Variants in ELMO1 observed in about 807,000 individuals in gnomAD.
The protein encoded by ELMO1 is engulfment and cell motility 1, also known as engulfment and cell motility protein 1.
ELMO1 carries 26 observed loss-of-function variants against 98.9 expected under a neutral mutation model. The ratio of observed to expected loss-of-function variants is 0.26; its 90% confidence interval spans 0.19 to 0.36. The LOEUF (loss-of-function observed/expected upper bound fraction) is 0.36. ELMO1 is among the 10% of genes least tolerant of loss of function. The pLI is 1.00. For missense variants in ELMO1, 627 were observed against 935.2 expected (o/e 0.67, Z 4.30); for synonymous variants, 346 against 346.0 (o/e 1.00, Z 0.00).
chr7:37,334,048 C>G (rs1800265912), intron 2 of ELMO1, among the ~76,000 whole-genome samples: 1 of 152,146 alleles, frequency 6.6e-6, no homozygotes, highest in African/African-American at 2.4e-5. Context: ...AATGTAGGTC[C>G]AACAGCATGA....
intron 16 of ELMO1, among the ~76,000 whole-genome samples, chr7:36,919,096 A>G (rs1784935576): frequency 6.6e-6 from 1 of 152,196 alleles, no homozygotes; most frequent in Non-Finnish European, 1.5e-5. Flanking sequence ...TAATAAATAG[A>G]ACTTGCACAA....
intron 13 of ELMO1, among the ~76,000 whole-genome samples, chr7:37,174,752 A>G (rs1790409255): frequency 6.6e-6 from 1 of 152,186 alleles, no homozygotes. Context: ...TTACATGGCA[A>G]GGAGAGGTCA....
chr7:37,421,379 A>G (rs1353483189), intron 1 of ELMO1, among the ~76,000 whole-genome samples: 1 of 152,192 alleles, frequency 6.6e-6, no homozygotes, highest in Non-Finnish European at 1.5e-5. Flanking sequence ...CCCATTTTGC[A>G]ATGATCAGCC....
intron 16 of ELMO1, among the ~76,000 whole-genome samples, chr7:37,011,620 A>G (rs557049392): frequency 3.2e-4 from 49 of 152,338 alleles, no homozygotes; most frequent in Admixed American, 1.2e-3. Flanking sequence ...TCTCTCAGAA[A>G]GCAGACATCT....
chr7:37,152,296 G>A (rs1788417122), intron 13 of ELMO1, among the ~76,000 whole-genome samples: 1 of 152,116 alleles, frequency 6.6e-6, no homozygotes, highest in South Asian at 2.1e-4. Context: ...GGGAAGGCCT[G>A]GCCCACGAAC....
intron 16 of ELMO1, among the ~76,000 whole-genome samples, chr7:36,898,014 C>G (rs563433463): frequency 6.6e-6 from 1 of 152,330 alleles, no homozygotes; most frequent in East Asian, 1.9e-4. Context: ...TTGTTGCCAA[C>G]AGCCCTGAGA....
In ELMO1 at chr7:37,291,056, C is replaced by T. The variant is rs113991803; in HGVS notation, c.193-19174G>A. Among the ~76,000 whole-genome samples, 41 of 152,224 alleles carry T rather than the reference C, an allele frequency of 2.7e-4. 1 individual carries two copies. The highest frequency in any genetic ancestry group is 6.8e-3 in the Middle Eastern group (2 of 294). ...ACAAAATAGAGAGCCACAGAAACCC[C>T]TATATTCACAAAACCTTGACATATG... On this transcript the variant is annotated intron_variant, in intron 4 of 21. Transcript: ENST00000310758.
intron 15 of ELMO1, among the ~76,000 whole-genome samples, chr7:37,082,968 G>A (rs1046722817): frequency 3.9e-5 from 6 of 152,308 alleles, no homozygotes; most frequent in Non-Finnish European, 5.9e-5. Context: ...CAAAGTTCAA[G>A]TATAACTAAT....
chr7:37,401,492 A>G (rs1803525490), intron 1 of ELMO1, among the ~76,000 whole-genome samples: 1 of 152,162 alleles, frequency 6.6e-6, no homozygotes, highest in Non-Finnish European at 1.5e-5. Context: ...CTATAACGAC[A>G]TACCCAAGAC....
chr7:37,156,416 G>T (rs1788768857), intron 13 of ELMO1, among the ~76,000 whole-genome samples: 1 of 151,976 alleles, frequency 6.6e-6, no homozygotes, highest in Admixed American at 6.6e-5. Flanking sequence ...AAAATAGATG[G>T]ACCACTAGCA....
rs1435589605 is a variant in ELMO1 at position 36,878,135 on chromosome 7, A to G, written c.1715-18T>C. ...AAACTTGTCTGAGAGAAAAAACACA[A>G]GTTTACAAGGTAAGTGATTGTGGTT... On this transcript the variant is annotated intron_variant, in intron 18 of 21. Transcript: ENST00000310758. 1 of 1,587,882 alleles carries G rather than the reference A, an allele frequency of 6.3e-7. No homozygotes were observed. The highest frequency in any genetic ancestry group is 1.1e-5 in the South Asian group (1 of 90,280).
intron 4 of ELMO1, among the ~76,000 whole-genome samples, chr7:37,306,269 C>T (rs998649929): frequency 2.0e-5 from 3 of 152,272 alleles, no homozygotes; most frequent in East Asian, 3.9e-4. Flanking sequence ...AGTAAAGCTA[C>T]ACCAAGGAGA....
intron 14 of ELMO1, among the ~76,000 whole-genome samples, chr7:37,101,406 C>A (rs570232808): frequency 6.6e-6 from 1 of 152,086 alleles, no homozygotes; most frequent in Admixed American, 6.6e-5. Flanking sequence ...AGCCGGTGAC[C>A]GAGAGACAGC....
intron 14 of ELMO1, among the ~76,000 whole-genome samples, chr7:37,107,298 T>C (rs1212747079): frequency 6.6e-6 from 1 of 152,136 alleles, no homozygotes; most frequent in African/African-American, 2.4e-5. Flanking sequence ...CTTTGTGCAG[T>C]GAAGGTGCAC....
At chr7:37,062,783 G>A (rs1175052374) in intron 15 of ELMO1, among the ~76,000 whole-genome samples, 1 of 152,154 alleles carries the variant, frequency 6.6e-6, no homozygotes, top group East Asian at 1.9e-4. Context: ...CTGCCCCTAA[G>A]CAAGGGAAAC....
intron 15 of ELMO1, among the ~76,000 whole-genome samples, chr7:37,049,053 T>A (rs926709270): frequency 7.2e-5 from 11 of 152,174 alleles, no homozygotes; most frequent in African/African-American, 2.7e-4. Context: ...AATTTATAAT[T>A]ATTTAATTTC....
intron 13 of ELMO1, among the ~76,000 whole-genome samples, chr7:37,202,074 C>T (rs757272495): frequency 6.6e-6 from 1 of 152,202 alleles, no homozygotes; most frequent in Admixed American, 6.5e-5. Context: ...AGCTTCCCTG[C>T]AGAGCACCCC....
intron 13 of ELMO1, among the ~76,000 whole-genome samples, chr7:37,194,064 G>GCCT (rs1791819237): frequency 6.6e-6 from 1 of 152,128 alleles, no homozygotes; most frequent in Non-Finnish European, 1.5e-5. Context: ...CATGAAGACT[G>GCCT]GAGTCCCATG....
intron 6 of ELMO1, among the ~76,000 whole-genome samples, chr7:37,246,400 G>A (rs1390233673): frequency 6.6e-6 from 1 of 152,110 alleles, no homozygotes; most frequent in Non-Finnish European, 1.5e-5. Context: ...AGCTGCTAAG[G>A]TAGGGAGAAA....
Sources: allele counts gnomAD v4.1 joint callset (sites outside exome capture counted in the v4.1 genomes callset), GRCh38; gene constraint gnomAD v4.1.1; transcripts MANE v1.5; gene names NCBI Gene and HGNC (gene_info 2026-07-23, HGNC 2026-07-21).